Variants in ASTN2 observed in about 807,000 individuals in gnomAD.
ASTN2 encodes the protein astrotactin-2.
Under a neutral mutation model 139.8 loss-of-function variants are expected in ASTN2, and 54 were observed. The ratio of observed to expected loss-of-function variants is 0.39; its 90% confidence interval spans 0.31 to 0.48. The LOEUF is 0.48. Ranked by LOEUF, ASTN2 falls within the 20% of genes least tolerant of loss-of-function variation. ASTN2 has a pLI of 0.95. For synonymous variants in ASTN2, 756 were observed against 719.5 expected (o/e 1.05, Z -0.81); for missense variants, 1,565 against 1,725.1 (o/e 0.91, Z 1.64).
At chr9:117,239,586 C>T (rs939767548) in intron 2 of ASTN2, among the ~76,000 whole-genome samples, 5 of 152,112 alleles carry the variant, frequency 3.3e-5, no homozygotes, top group Non-Finnish European at 7.4e-5. Context: ...AAGGGATAAC[C>T]CCCCTCCATC....
intron 1 of ASTN2, among the ~76,000 whole-genome samples, chr9:117,372,609 A>C (rs150474006): frequency 1.6e-4 from 24 of 152,342 alleles, no homozygotes; most frequent in African/African-American, 5.5e-4. Flanking sequence ...TACAAGAATT[A>C]AATGAGATGA....
At chr9:116,580,565 T>C (rs998398260) in intron 19 of ASTN2, among the ~76,000 whole-genome samples, 1 of 152,184 alleles carries the variant, frequency 6.6e-6, no homozygotes, top group Admixed American at 6.5e-5. Context: ...GCTAAGCTGG[T>C]GGCAAGGGAT....
intron 19 of ASTN2, among the ~76,000 whole-genome samples, chr9:116,490,568 A>G (rs1849486662): frequency 6.6e-6 from 1 of 152,186 alleles, no homozygotes; most frequent in African/African-American, 2.4e-5. Flanking sequence ...TCATAAAGAA[A>G]AGGGATTTAA....
chr9:117,083,303 C>G (rs753761363), intron 5 of ASTN2, among the ~76,000 whole-genome samples: 20 of 152,180 alleles, frequency 1.3e-4, no homozygotes, highest in Non-Finnish European at 2.8e-4. Context: ...TCACTGTCTT[C>G]CTTCACATAC....
chr9:116,555,935 T>G (rs1337967272), intron 19 of ASTN2, among the ~76,000 whole-genome samples: 1 of 152,172 alleles, frequency 6.6e-6, no homozygotes, highest in Admixed American at 6.5e-5. Context: ...ACCCATCATT[T>G]GCATGCATCA....
At chr9:116,996,625 TC>T (rs1175867590) in intron 7 of ASTN2, among the ~76,000 whole-genome samples, 1 of 152,006 alleles carries the variant, frequency 6.6e-6, no homozygotes, top group Non-Finnish European at 1.5e-5. Context: ...GAACAGATTG[TC>T]CCATGCAGAA....
intron 19 of ASTN2, among the ~76,000 whole-genome samples, chr9:116,526,258 T>C (rs1053294400): frequency 6.6e-6 from 1 of 152,210 alleles, no homozygotes; most frequent in African/African-American, 2.4e-5. Flanking sequence ...AAAGCCCCTC[T>C]TTCCTTGCCT....
chr9:117,295,551 T>C (rs1356556602), intron 1 of ASTN2, among the ~76,000 whole-genome samples: 3 of 151,998 alleles, frequency 2.0e-5, no homozygotes, highest in Admixed American at 6.6e-5. Flanking sequence ...TATATATATT[T>C]CAAATACTCA....
chr9:116,688,060 A>G (rs1860363226), intron 16 of ASTN2, among the ~76,000 whole-genome samples: 1 of 151,830 alleles, frequency 6.6e-6, no homozygotes, highest in African/African-American at 2.4e-5. Context: ...GGAATGCAGG[A>G]GATGGGGGCT....
In ASTN2 at chr9:116,682,321, A is replaced by G. The variant is rs958562340; in HGVS notation, c.2807-30528T>C. Reference sequence around the variant, plus strand: ...CAGAGAAATGCAAATCAAAACCACAATGAGATACCATCTCACACCAGTTAG... The same window carrying G: ...CAGAGAAATGCAAATCAAAACCACAGTGAGATACCATCTCACACCAGTTAG... On this transcript the variant is annotated intron_variant, in intron 16 of 22. Coordinates refer to ENST00000313400, the MANE Select transcript of ASTN2 (RefSeq NM_001365068.1). Among the ~76,000 whole-genome samples the G allele has an allele frequency of 6.6e-5, 10 of 152,204 alleles. 1 individual carries two copies. Among genetic ancestry groups the G allele is most frequent in the East Asian group, 1.9e-4 (1 of 5,196 alleles).
At chr9:117,244,955 G>A (rs1833335232) in intron 2 of ASTN2, among the ~76,000 whole-genome samples, 1 of 152,052 alleles carries the variant, frequency 6.6e-6, no homozygotes, top group Non-Finnish European at 1.5e-5. Flanking sequence ...TTATATGTAG[G>A]CAGATCTAAT....
rs1312922294 is a variant in ASTN2, at chr9:117,177,302, A to G, written c.1016-35824T>C. ...CTAGCCTTGTTTTATTATTATCACC[A>G]TTTTATGCATAAGGAAGCTGAGGGA... On this transcript the variant is annotated intron_variant, in intron 3 of 22. Coordinates refer to ENST00000313400, the MANE Select transcript of ASTN2 (RefSeq NM_001365068.1). Among the ~76,000 whole-genome samples, 3 of 152,304 alleles carry G rather than the reference A, an allele frequency of 2.0e-5. No homozygotes were observed. The East Asian group carries it at 5.8e-4, about 29-fold the overall frequency.
At chr9:116,500,341 G>A (rs1445531799) in intron 19 of ASTN2, among the ~76,000 whole-genome samples, 2 of 152,230 alleles carry the variant, frequency 1.3e-5, no homozygotes, top group Non-Finnish European at 2.9e-5. Context: ...AGGGGAAGGT[G>A]AATCTCCGGA....
At chr9:117,179,239 T>C (rs1830995269) in intron 3 of ASTN2, among the ~76,000 whole-genome samples, 1 of 152,302 alleles carries the variant, frequency 6.6e-6, no homozygotes, top group South Asian at 2.1e-4. Flanking sequence ...AGACTATATA[T>C]GTACACAGCA....
At chr9:116,463,914 T>G (rs1454067523) in intron 20 of ASTN2, among the ~76,000 whole-genome samples, 1 of 149,508 alleles carries the variant, frequency 6.7e-6, no homozygotes, top group African/African-American at 2.5e-5. Flanking sequence ...TTGTGTTTTT[T>G]TTTTTTTTTT....
intron 2 of ASTN2, among the ~76,000 whole-genome samples, chr9:117,224,493 T>G (rs984378012): frequency 2.0e-5 from 3 of 152,186 alleles, no homozygotes; most frequent in Non-Finnish European, 4.4e-5. Flanking sequence ...ATTCCTCCCA[T>G]AGGCTCCAAG....
At chr9:116,626,445 G>T (rs2131846359) in intron 17 of ASTN2, among the ~76,000 whole-genome samples, 1 of 152,052 alleles carries the variant, frequency 6.6e-6, no homozygotes, top group South Asian at 2.1e-4. Flanking sequence ...AGGATGTTCT[G>T]CCAAGGATTA....
chr9:117,137,800 C>A (rs10817998), intron 4 of ASTN2, among the ~76,000 whole-genome samples: 19,174 of 151,978 alleles, frequency 0.13, 1,480 homozygotes, highest in Non-Finnish European at 0.17. Flanking sequence ...CTGACATATA[C>A]TGTCCTTACT....
chr9:117,266,541 C>T (rs960636060), intron 2 of ASTN2, among the ~76,000 whole-genome samples: 3 of 152,190 alleles, frequency 2.0e-5, no homozygotes, highest in African/African-American at 7.2e-5. Context: ...TTGAAAGTCC[C>T]CATCTCAGAA....
Sources: gnomAD v4.1 joint callset for allele counts (sites outside exome capture counted in the v4.1 genomes callset) on GRCh38, gnomAD v4.1.1 for gene constraint, MANE v1.5 for transcripts, NCBI Gene and HGNC (gene_info 2026-07-23, HGNC 2026-07-21) for gene names.